AAK1: variants seen among roughly 807,000 people sequenced by gnomAD.
AAK1 encodes the protein AP2-associated protein kinase 1.
AAK1 carries 37 observed loss-of-function variants against 116.0 expected under a neutral mutation model. The ratio of observed to expected loss-of-function variants is 0.32; its 90% confidence interval spans 0.25 to 0.42. The LOEUF (loss-of-function observed/expected upper bound fraction) is 0.42. Among genes scored for constraint, AAK1 ranks in the 10% least tolerant of loss-of-function variants. The pLI is 1.00. For missense variants in AAK1, 919 were observed against 1,170.6 expected (o/e 0.79, Z 3.14); for synonymous variants, 458 against 439.9 (o/e 1.04, Z -0.51).
At chr2:69,525,335 A>G (rs901713868) in intron 9 of AAK1, among the ~76,000 whole-genome samples, 1 of 152,192 alleles carries the variant, frequency 6.6e-6, no homozygotes, top group Admixed American at 6.5e-5. Flanking sequence ...TGAGAAGAGG[A>G]GAGAGTAGCT....
At chr2:69,633,936 G>A (rs1319771851) in intron 2 of AAK1, among the ~76,000 whole-genome samples, 1 of 152,186 alleles carries the variant, frequency 6.6e-6, no homozygotes, top group East Asian at 1.9e-4. Context: ...TTGGGAGGCT[G>A]AGGCAGGTGG....
chr2:69,616,194 G>A (rs1346654692), intron 2 of AAK1, among the ~76,000 whole-genome samples: 2 of 152,188 alleles, frequency 1.3e-5, no homozygotes, highest in Admixed American at 6.5e-5. Context: ...TTTTAGAGAT[G>A]AAGTTTGCTG....
Position 69,544,557 on chromosome 2 carries a change from G to C in AAK1, c.283-13C>G. 3.8e-6 allele frequency: 6 copies of C among 1,581,300 alleles called. No individual in the cohort carries two copies. In the African/African-American group the frequency reaches 6.7e-5, roughly 18 times the overall value. On this transcript the variant is annotated splice_polypyrimidine_tract_variant and intron_variant, in intron 3 of 21. Transcript: ENST00000409085. ...CTGAAAGATCCCTCTGTGAACAAGA[G>C]AGGAGAAATATATTGTTAGTTTCAG...
intron 5 of AAK1, among the ~76,000 whole-genome samples, chr2:69,537,773 A>G (rs998647878): frequency 6.6e-6 from 1 of 152,208 alleles, no homozygotes; most frequent in Non-Finnish European, 1.5e-5. Flanking sequence ...CGGACATACT[A>G]GCAGACAGCA....
chr2:69,631,929 G>A (rs1675202203), intron 2 of AAK1, among the ~76,000 whole-genome samples: 1 of 152,098 alleles, frequency 6.6e-6, no homozygotes, highest in Non-Finnish European at 1.5e-5. Context: ...GCAGGGAGCT[G>A]AGATCACCCC....
intron 2 of AAK1, among the ~76,000 whole-genome samples, chr2:69,603,617 A>G (rs1673674414): frequency 6.6e-6 from 1 of 152,198 alleles, no homozygotes; most frequent in Non-Finnish European, 1.5e-5. Flanking sequence ...ATCCTCAGCT[A>G]TGAAGGGCTC....
chr2:69,533,378 G>A (rs1006669587), intron 5 of AAK1, among the ~76,000 whole-genome samples: 1 of 152,124 alleles, frequency 6.6e-6, no homozygotes, highest in African/African-American at 2.4e-5. Context: ...CAAATATCCA[G>A]GCCGTACTAC....
rs1374340135 is a variant in AAK1 at position 69,470,556 on chromosome 2, C to A, written c.*5313G>T. 3.0e-6 allele frequency: 3 copies of A among 985,304 alleles called. No homozygotes were observed. The African/African-American group carries it at 5.2e-5, about 17-fold the overall frequency. 61.0% of individuals were successfully genotyped at this position (985,304 alleles called of 1,614,324 possible). On this transcript the variant is annotated 3_prime_UTR_variant, in exon 22 of 22. Transcript: ENST00000409085. ...TGAGGCAATTAAATGAGTGAGTTTT[C>A]TCACTGGGGATAAAATTATTCTTGC...
In AAK1 at chr2:69,470,470, C is replaced by T. The variant is rs145712692; in HGVS notation, c.*5399G>A. On this transcript the variant is annotated 3_prime_UTR_variant, in exon 22 of 22. Coordinates refer to ENST00000409085, the MANE Select transcript of AAK1 (RefSeq NM_014911.5). ...TATTAGGTAGCTGCATTAAAACCCA[C>T]GACTGGGAAATGAGGGACCTCATGG... is the stretch of plus-strand genomic sequence containing the variant. 59 of 985,380 alleles carry T rather than the reference C, an allele frequency of 6.0e-5. 1 individual carries two copies. The East Asian group carries it at 3.9e-3, about 64-fold the overall frequency. 61.0% of individuals were successfully genotyped at this position (985,380 alleles called of 1,614,324 possible). A position where few individuals can be genotyped will look rare whatever the true frequency, so the allele number is the denominator to read the frequency against.
intron 21 of AAK1, 148 bp from the exon 22 acceptor site, chr2:69,476,111 A>G: frequency 7.1e-7 from 1 of 1,416,544 alleles, no homozygotes; most frequent in Non-Finnish European, 9.3e-7. Context: ...GCAATATTTT[A>G]CATTTGCAAA....
intron 10 of AAK1, 32 bp downstream of exon 10, chr2:69,525,001 G>A: frequency 6.3e-7 from 1 of 1,595,420 alleles, no homozygotes; most frequent in South Asian, 1.1e-5. Flanking sequence ...GGCAATCCAA[G>A]GAGGACATGT....
At chr2:69,561,715 T>C (rs972665501) in intron 2 of AAK1, among the ~76,000 whole-genome samples, 4 of 152,326 alleles carry the variant, frequency 2.6e-5, no homozygotes, top group East Asian at 1.9e-4. Context: ...TCACTGCAGA[T>C]AGTTCTTCAG....
chr2:69,467,028 A>C lies in AAK1; in HGVS notation c.*8841T>G, dbSNP rs371205012. The C allele has an allele frequency of 8.1e-6, 8 of 985,416 alleles. No individual in the cohort carries two copies. The highest frequency in any genetic ancestry group is 4.7e-5 in the South Asian group (1 of 21,288). 61.0% of individuals were successfully genotyped at this position (985,416 alleles called of 1,614,324 possible). On this transcript the variant is annotated 3_prime_UTR_variant, in exon 22 of 22. Coordinates refer to ENST00000409085, the MANE Select transcript of AAK1 (RefSeq NM_014911.5). ...GCAGAGGGACAAACTCTCTGAAAAG[A>C]AGCAGAATGTGGCTGCTTGATAAAT...
intron 2 of AAK1, among the ~76,000 whole-genome samples, chr2:69,594,329 C>T (rs186418516): frequency 9.1e-4 from 138 of 152,300 alleles, no homozygotes; most frequent in Non-Finnish European, 1.6e-3. Context: ...TCGTGTGTAG[C>T]CCCTTAGGGT....
chr2:69,621,574 A>C (rs937375011), intron 2 of AAK1, among the ~76,000 whole-genome samples: 1 of 152,208 alleles, frequency 6.6e-6, no homozygotes, highest in Non-Finnish European at 1.5e-5. Flanking sequence ...ACCCTCAGTC[A>C]ACCCACAGAA....
chr2:69,504,929 A>G (rs545510970), intron 16 of AAK1, among the ~76,000 whole-genome samples: 71 of 152,274 alleles, frequency 4.7e-4, no homozygotes, highest in African/African-American at 1.7e-3. Flanking sequence ...GAGAATTTTA[A>G]CTTTCTTCTC....
intron 2 of AAK1, among the ~76,000 whole-genome samples, chr2:69,615,099 T>C (rs1198570978): frequency 6.6e-6 from 1 of 152,086 alleles, no homozygotes; most frequent in Non-Finnish European, 1.5e-5. Context: ...AAACAAAACA[T>C]GTTGCTGTCC....
chr2:69,492,181 T>C (rs1675548693), intron 17 of AAK1, among the ~76,000 whole-genome samples: 1 of 152,028 alleles, frequency 6.6e-6, no homozygotes, highest in Admixed American at 6.5e-5. Flanking sequence ...TAAAAGTCAT[T>C]GAAACGCATG....
rs559310130 is a variant in AAK1 at position 69,522,696 on chromosome 2, C to T, written c.1056-1708G>A. Among the ~76,000 whole-genome samples the T allele has an allele frequency of 4.6e-5, 7 of 151,544 alleles. No individual in the cohort carries two copies. The South Asian group carries it at 1.0e-3, about 23-fold the overall frequency. ...GCACGCGCCTGTAGTCCCAGCTACT[C>T]GGGAGGCTGAGGCTGAAGAATCACT... is the stretch of plus-strand genomic sequence containing the variant. On this transcript the variant is annotated intron_variant, in intron 10 of 21. Coordinates refer to ENST00000409085, the MANE Select transcript of AAK1 (RefSeq NM_014911.5).
Sources: allele counts gnomAD v4.1 joint callset (sites outside exome capture counted in the v4.1 genomes callset), GRCh38; gene constraint gnomAD v4.1.1; transcripts MANE v1.5; gene names NCBI Gene and HGNC (gene_info 2026-07-23, HGNC 2026-07-21).